The following UBE2Q2 variants were observed in gnomAD, a reference collection of about 807,000 sequenced individuals.
UBE2Q2 encodes ubiquitin-conjugating enzyme E2 Q2.
A neutral mutation model predicts 59.9 loss-of-function variants in UBE2Q2; 54 were observed. That is an observed-to-expected ratio of 0.90 (90% CI 0.72 to 1.13). UBE2Q2 has a LOEUF of 1.13. Ranked by LOEUF, UBE2Q2 falls within the 50% of genes most tolerant of loss-of-function variation. The probability of loss-of-function intolerance (pLI) is 0.00; values close to 1 mark genes in which losing one functional copy is unlikely to be tolerated. For missense variants in UBE2Q2, 433 were observed against 441.9 expected (o/e 0.98, Z 0.18); for synonymous variants, 165 against 155.2 (o/e 1.06, Z -0.47).
chr15:75,851,367 T>G (rs1896627638), intron 1 of UBE2Q2, among the ~76,000 whole-genome samples: 1 of 152,132 alleles, frequency 6.6e-6, no homozygotes, highest in Non-Finnish European at 1.5e-5. Context: ...TACCCTTGTA[T>G]GATATTATAA....
rs371775487 is a variant in UBE2Q2 at position 75,852,894 on chromosome 15, A to G, written c.181-1492A>G. Among the ~76,000 whole-genome samples the G allele has an allele frequency of 1.3e-4, 20 of 152,360 alleles. No homozygotes were observed. The East Asian group carries it at 2.9e-3, about 22-fold the overall frequency. On this transcript the variant is annotated intron_variant, in intron 1 of 12. Transcript: ENST00000267938. ...TCCTCCATCAATACAACTTATTCTT[A>G]AAAGAACATTTGGTAAAATGCTTTA...
At chr15:75,846,789 C>T (rs574373766) in intron 1 of UBE2Q2, among the ~76,000 whole-genome samples, 2 of 152,304 alleles carry the variant, frequency 1.3e-5, no homozygotes, top group African/African-American at 4.8e-5. Flanking sequence ...CAAGAAACAT[C>T]CTTATGCAGT....
intron 2 of UBE2Q2, among the ~76,000 whole-genome samples, chr15:75,859,644 G>A (rs1426811047): frequency 6.6e-6 from 1 of 152,116 alleles, no homozygotes; most frequent in Non-Finnish European, 1.5e-5. Flanking sequence ...TGCCCTTATT[G>A]TTGTCATTCT....
chr15:75,887,899 A>G (rs930743104), intron 9 of UBE2Q2, among the ~76,000 whole-genome samples: 3 of 152,160 alleles, frequency 2.0e-5, no homozygotes, highest in African/African-American at 7.2e-5. Flanking sequence ...AGTGAGGAGG[A>G]GGAATTATTT....
chr15:75,871,619 A>G (rs1897798264), intron 4 of UBE2Q2, among the ~76,000 whole-genome samples: 1 of 152,266 alleles, frequency 6.6e-6, no homozygotes, highest in Non-Finnish European at 1.5e-5. Context: ...AACAAAGCAC[A>G]TCTTGCACAG....
At chr15:75,849,139 G>T (rs1258590290) in intron 1 of UBE2Q2, among the ~76,000 whole-genome samples, 1 of 152,186 alleles carries the variant, frequency 6.6e-6, no homozygotes, top group African/African-American at 2.4e-5. Flanking sequence ...TTTGTAAAAT[G>T]ATTAGCAGGG....
At chr15:75,878,865 A>ACT (rs1440807921) in intron 7 of UBE2Q2, among the ~76,000 whole-genome samples, 1 of 151,964 alleles carries the variant, frequency 6.6e-6, no homozygotes, top group Non-Finnish European at 1.5e-5. Context: ...GAACTCCTTT[A>ACT]CTAGATTAGA....
At chr15:75,851,783 C>CTCATGTATA (rs1469116430) in intron 1 of UBE2Q2, among the ~76,000 whole-genome samples, 2 of 152,190 alleles carry the variant, frequency 1.3e-5, no homozygotes, top group African/African-American at 4.8e-5. Flanking sequence ...TGTAGGAATG[C>CTCATGTATA]TCATGTATAC....
At chr15:75,851,078 T>C (rs1896612952) in intron 1 of UBE2Q2, among the ~76,000 whole-genome samples, 1 of 152,046 alleles carries the variant, frequency 6.6e-6, no homozygotes, top group Non-Finnish European at 1.5e-5. Context: ...TACAGATACC[T>C]GGTTGGAAAA....
intron 1 of UBE2Q2, chr15:75,844,665 G>T: frequency 1.6e-6 from 1 of 613,904 alleles, no homozygotes; most frequent in Non-Finnish European, 2.7e-6. Context: ...CCCAAGGCTT[G>T]GTAAAGGAAT....
In UBE2Q2 at chr15:75,899,533, A is replaced by T; in HGVS notation, c.*75A>T. 1 of 1,276,362 alleles carries T rather than the reference A, an allele frequency of 7.8e-7. No individual in the cohort carries two copies. Among genetic ancestry groups the T allele is most frequent in the Non-Finnish European group, 1.1e-6 (1 of 900,992 alleles). 79.1% of individuals were successfully genotyped at this position (1,276,362 alleles called of 1,614,324 possible). A position where few individuals can be genotyped will look rare whatever the true frequency, so the allele number is the denominator to read the frequency against. ...TTCTAACATGCAGACAAAAGCTTTG[A>T]GTGCCCCTATTACAGCAGTACCGAA... On this transcript the variant is annotated 3_prime_UTR_variant, in exon 13 of 13. Coordinates refer to ENST00000267938, the MANE Select transcript of UBE2Q2 (RefSeq NM_173469.4).
intron 10 of UBE2Q2, 37 bp downstream of exon 10, chr15:75,890,520 T>G: frequency 6.3e-7 from 1 of 1,582,068 alleles, no homozygotes. Flanking sequence ...TCACCCACAA[T>G]TTAGTGTTTT....
chr15:75,872,335 A>G (rs1459531005), intron 4 of UBE2Q2, among the ~76,000 whole-genome samples: 2 of 151,846 alleles, frequency 1.3e-5, no homozygotes, highest in South Asian at 2.1e-4. Context: ...AAAAAAAAAA[A>G]GCCGAGATGC....
At chr15:75,894,668 C>T (rs930604782) in intron 11 of UBE2Q2, among the ~76,000 whole-genome samples, 3 of 151,954 alleles carry the variant, frequency 2.0e-5, no homozygotes, top group East Asian at 3.9e-4. Flanking sequence ...ATAGGAAGGG[C>T]TAGACCCCCA....
intron 9 of UBE2Q2, among the ~76,000 whole-genome samples, chr15:75,884,251 A>G (rs529786614): frequency 6.6e-6 from 1 of 152,366 alleles, no homozygotes; most frequent in East Asian, 1.9e-4. Flanking sequence ...GACATAATCT[A>G]CATTATGGTG....
intron 1 of UBE2Q2, among the ~76,000 whole-genome samples, chr15:75,849,098 G>A (rs987151771): frequency 6.6e-6 from 1 of 152,122 alleles, no homozygotes; most frequent in African/African-American, 2.4e-5. Flanking sequence ...CTCTGCTTTT[G>A]TGGGCTCTAG....
intron 11 of UBE2Q2, among the ~76,000 whole-genome samples, chr15:75,896,174 A>C (rs1382888314): frequency 6.6e-6 from 1 of 152,214 alleles, no homozygotes; most frequent in African/African-American, 2.4e-5. Context: ...AATAATCTTA[A>C]AGAGGGACAT....
At chr15:75,876,470 TA>T (rs1482568139) in intron 6 of UBE2Q2, among the ~76,000 whole-genome samples, 199 bp downstream of exon 6, 1 of 152,234 alleles carries the variant, frequency 6.6e-6, no homozygotes, top group Non-Finnish European at 1.5e-5. Flanking sequence ...TTTGGATTTT[TA>T]AAAAATGTTT....
intron 3 of UBE2Q2, among the ~76,000 whole-genome samples, 198 bp from the exon 4 acceptor site, chr15:75,868,753 T>C (rs535801364): frequency 1.3e-5 from 2 of 152,364 alleles, no homozygotes; most frequent in African/African-American, 4.8e-5. Context: ...TTGTTCAAAA[T>C]TGTTTCATTT....
Sources: allele counts gnomAD v4.1 joint callset (sites outside exome capture counted in the v4.1 genomes callset), GRCh38; gene constraint gnomAD v4.1.1; transcripts MANE v1.5; gene names NCBI Gene and HGNC (gene_info 2026-07-23, HGNC 2026-07-21).